The following SQSTM1 variants were observed in gnomAD, a reference collection of about 807,000 sequenced individuals.
SQSTM1 encodes sequestosome-1.
SQSTM1 carries 36 observed loss-of-function variants against 45.1 expected under a neutral mutation model. That is an observed-to-expected ratio of 0.80 (90% CI 0.61 to 1.05). The LOEUF (loss-of-function observed/expected upper bound fraction) is 1.05, where lower values mean the gene tolerates loss of function less well. Ranked by LOEUF, SQSTM1 falls within the 50% of genes least tolerant of loss-of-function variation. The probability of loss-of-function intolerance (pLI) is 0.00; values close to 1 mark genes in which losing one functional copy is unlikely to be tolerated. For synonymous variants in SQSTM1, 290 were observed against 244.3 expected, an observed-to-expected ratio of 1.19 and a Z score of -1.74; for missense variants, 617 against 607.1, an observed-to-expected ratio of 1.02 and a Z score of -0.17.
chr5:179,836,575 G>C lies in SQSTM1; in HGVS notation c.1305G>C (p.Lys435Asn). Residue 435 changes from lysine to asparagine, a missense_variant, in exon 8 of 8, where the codon AAG becomes AAC. Transcript: ENST00000389805. Reference protein sequence around the residue: ...GAALDTIQYSKHPPPL With the variant: ...GAALDTIQYSNHPPPL Reference sequence around the variant, plus strand: ...CTCTGGACACCATCCAGTATTCAAAGCATCCCCCGCCGTTGTGACCACTTT... The same window carrying C: ...CTCTGGACACCATCCAGTATTCAAACCATCCCCCGCCGTTGTGACCACTTT... The C allele has an allele frequency of 6.2e-7, 1 of 1,614,078 alleles. No individual in the cohort carries two copies. Among genetic ancestry groups the C allele is most frequent in the Non-Finnish European group, 8.5e-7 (1 of 1,180,012 alleles).
rs1189204957 is a variant in SQSTM1, at chr5:179,837,610, GGCCTGTGCTCTGGGGGTCCCTTGCTTA to G, written c.*1027_*1053del. ...TGGGCCTGCTGAGGCCTTCTCTTGA[GGCCTGTGCTCTGGGGGTCCCTTGCTTA>G]GCCTGTGCTGGACCAGCTGGCCTGG... On this transcript the variant is annotated 3_prime_UTR_variant, in exon 8 of 8. Coordinates refer to ENST00000389805, the MANE Select transcript of SQSTM1 (RefSeq NM_003900.5). 2 of 1,614,122 alleles carry G rather than the reference GGCCTGTGCTCTGGGGGTCCCTTGCTTA, an allele frequency of 1.2e-6. No individual in the cohort carries two copies. Among genetic ancestry groups the G allele is most frequent in the African/African-American group, 2.7e-5 (2 of 74,946 alleles).
At chr5:179,816,234 C>T (rs911880959), upstream of SQSTM1, among the ~76,000 whole-genome samples, 7 of 152,172 alleles carry the variant, frequency 4.6e-5, no homozygotes, top group African/African-American at 1.4e-4. Flanking sequence ...CTGCAACCTC[C>T]GCCTCCGAGG....
At chr5:179,823,716 C>T (rs1757877914) in intron 2 of SQSTM1, 142 bp from the exon 3 acceptor site, 3 of 900,766 alleles carry the variant, frequency 3.3e-6, no homozygotes, top group Non-Finnish European at 1.7e-6. Flanking sequence ...GCTGCCCTCA[C>T]CTAAGTGGCT....
At chr5:179,810,809 T>C (rs770867520) in intron 1 of SQSTM1, among the ~76,000 whole-genome samples, 4 of 152,232 alleles carry the variant, frequency 2.6e-5, no homozygotes, top group Non-Finnish European at 5.9e-5. Context: ...ATTGGCATTC[T>C]AACTGGTGTG....
chr5:179,808,614 G>C (rs951765948), intron 1 of SQSTM1, among the ~76,000 whole-genome samples: 1 of 151,118 alleles, frequency 6.6e-6, no homozygotes, highest in African/African-American at 2.4e-5. Flanking sequence ...TCAGGAGATC[G>C]AGACCATCCT....
chr5:179,832,147 T>C (rs1003655578), intron 5 of SQSTM1, among the ~76,000 whole-genome samples: 1 of 152,172 alleles, frequency 6.6e-6, no homozygotes, highest in African/African-American at 2.4e-5. Context: ...AGGCAGGTAC[T>C]GGTCCAGAGT....
At chr5:179,808,326 C>A (rs1450943492) in intron 1 of SQSTM1, 1 of 152,284 alleles carries the variant, frequency 6.6e-6, no homozygotes, top group Non-Finnish European at 1.5e-5. Flanking sequence ...CTGAGGCCCC[C>A]TGTTAAAGGA....
upstream of SQSTM1, among the ~76,000 whole-genome samples, chr5:179,817,296 C>G (rs993781400): frequency 6.6e-6 from 1 of 152,206 alleles, no homozygotes. Flanking sequence ...GGTTCCTGCT[C>G]CGCGTCGTGC....
At chr5:179,821,387 C>T (rs910632043) in intron 1 of SQSTM1, among the ~76,000 whole-genome samples, 16 of 152,048 alleles carry the variant, frequency 1.1e-4, no homozygotes, top group African/African-American at 2.9e-4. Context: ...GCGGTGGAGC[C>T]CTGCCGGCCG....
rs148611524 is a variant in SQSTM1, at chr5:179,837,430, G to T, written c.*837G>T. ...CGAAGTCTTCCCCAGTTATAAAGAG[G>T]TCACATAGTCGTGTGGGTCGAGGAT... On this transcript the variant is annotated 3_prime_UTR_variant, in exon 8 of 8. Transcript: ENST00000389805. The T allele has an allele frequency of 1.2e-6, 2 of 1,606,660 alleles. No individual in the cohort carries two copies. Among genetic ancestry groups the T allele is most frequent in the Admixed American group, 3.4e-5 (2 of 59,056 alleles).
intron 5 of SQSTM1, among the ~76,000 whole-genome samples, chr5:179,827,636 T>C (rs1181877129): frequency 2.0e-5 from 3 of 152,228 alleles, no homozygotes; most frequent in South Asian, 4.1e-4. Flanking sequence ...ATAGAATTGC[T>C]TTCTCCGAAC....
At chr5:179,807,138 G>C (rs1360854625) in intron 1 of SQSTM1, among the ~76,000 whole-genome samples, 1 of 151,708 alleles carries the variant, frequency 6.6e-6, no homozygotes, top group Non-Finnish European at 1.5e-5. Flanking sequence ...GGCTGGAGTG[G>C]GAGTGCAGGT....
chr5:179,833,548 C>G lies in SQSTM1; in HGVS notation c.970-39C>G, dbSNP rs570282765. On this transcript the variant is annotated intron_variant, in intron 6 of 7. Transcript: ENST00000389805. The stretch of plus-strand genomic sequence containing the variant: ...GGCCATGGTCAGGCTTGGCCTGTTG[C>G]GCGTGTCTCCTGTGTGCTCATGGTG... 6.8e-6 allele frequency: 11 copies of G among 1,608,638 alleles called. No individual in the cohort carries two copies. In the East Asian group the frequency reaches 8.9e-5, roughly 13 times the overall value.
chr5:179,833,084 C>G lies in SQSTM1; in HGVS notation c.807C>G (p.Thr269=), dbSNP rs779544030. ...VEHGGKRSRL[T]PVSPESSSTE... The stretch of plus-strand genomic sequence containing the variant: ...ACGGAGGGAAAAGAAGCCGCCTGAC[C>G]CCCGTCTCTCCAGAGAGTTCCAGCA... Residue 269 remains threonine, a synonymous_variant, in exon 6 of 8, where the codon ACC becomes ACG. Coordinates refer to ENST00000389805, the MANE Select transcript of SQSTM1 (RefSeq NM_003900.5). 52 of 1,614,088 alleles carry G rather than the reference C, an allele frequency of 3.2e-5. No individual in the cohort carries two copies. The highest frequency in any genetic ancestry group is 1.6e-4 in the Middle Eastern group (1 of 6,084).
upstream of SQSTM1, among the ~76,000 whole-genome samples, chr5:179,816,365 G>C (rs1369259714): frequency 6.6e-6 from 1 of 152,180 alleles, no homozygotes; most frequent in Non-Finnish European, 1.5e-5. Flanking sequence ...GGCCAGGCTG[G>C]TCTCGAACTC....
intron 1 of SQSTM1, chr5:179,821,495 CG>C: frequency 1.9e-6 from 1 of 527,076 alleles, no homozygotes; most frequent in Non-Finnish European, 3.6e-6. Context: ...TGGCTCTCCG[CG>C]GGCACTGGGT....
rs55993594 is a variant in SQSTM1, at chr5:179,824,475, T to G, written c.673+152T>G. On this transcript the variant is annotated intron_variant, in intron 4 of 7. Coordinates refer to ENST00000389805, the MANE Select transcript of SQSTM1 (RefSeq NM_003900.5). ...ACAATCACACAAGAACCCTGCAAAG[T>G]GGGGTGTATTCTCTCCATTTCCCAA... 0.5 allele frequency: 591,803 copies of G among 1,180,006 alleles called. 154,743 individuals carry two copies. The highest frequency in any genetic ancestry group is 0.81 in the East Asian group (31,798 of 39,476). 73.1% of individuals were successfully genotyped at this position (1,180,006 alleles called of 1,614,324 possible).
chr5:179,820,728 A>T (rs925091593), upstream of SQSTM1: 1 of 481,058 alleles, frequency 2.1e-6, no homozygotes, highest in Non-Finnish European at 3.6e-6. Flanking sequence ...GGGGGCCGGG[A>T]GACCTGGAGC....
intron 7 of SQSTM1, 86 bp from the exon 8 acceptor site, chr5:179,836,350 T>C: frequency 2.5e-6 from 4 of 1,588,928 alleles, no homozygotes; most frequent in Admixed American, 1.7e-5. Context: ...ACCCTGGTCC[T>C]GGCTGGCCAA....
Sources: allele counts gnomAD v4.1 joint callset (sites outside exome capture counted in the v4.1 genomes callset), GRCh38; gene constraint gnomAD v4.1.1; transcripts MANE v1.5; gene names NCBI Gene and HGNC (gene_info 2026-07-23, HGNC 2026-07-21).